The following KCNIP4 variants were observed in gnomAD, a reference collection of about 807,000 sequenced individuals.
KCNIP4 encodes Kv channel-interacting protein 4.
KCNIP4 carries 12 observed loss-of-function variants against 34.0 expected under a neutral mutation model. The ratio of observed to expected loss-of-function variants is 0.35; its 90% CI spans 0.23 to 0.57. KCNIP4 has a LOEUF of 0.57. Ranked by LOEUF, KCNIP4 falls within the 20% of genes least tolerant of loss-of-function variation. KCNIP4 has a pLI of 0.83. For synonymous variants in KCNIP4, 124 were observed against 102.2 expected (o/e 1.21, Z -1.29); for missense variants, 238 against 311.7 (o/e 0.76, Z 1.78).
At chr4:20,753,109 G>A (rs911605800) in intron 4 of KCNIP4, among the ~76,000 whole-genome samples, 11 of 152,060 alleles carry the variant, frequency 7.2e-5, no homozygotes, top group African/African-American at 2.7e-4. Context: ...TTATAGTTGA[G>A]CAACAAAATT....
At chr4:21,226,224 C>A (rs1473281113) in intron 1 of KCNIP4, among the ~76,000 whole-genome samples, 2 of 94,132 alleles carry the variant, frequency 2.1e-5, no homozygotes, top group African/African-American at 9.0e-5. Flanking sequence ...CCAGCCTGGG[C>A]AGCATAGGGG....
intron 1 of KCNIP4, among the ~76,000 whole-genome samples, chr4:21,504,475 A>AAAAAAAAAAGAAAG (rs1264431211): frequency 1.9e-4 from 19 of 101,876 alleles, no homozygotes; most frequent in African/African-American, 7.0e-4. Context: ...CAAAAAAAAA[A>AAAAAAAAAAGAAAG]AAAGAAAGAA....
intron 1 of KCNIP4, among the ~76,000 whole-genome samples, chr4:21,881,142 C>G (rs1002842000): frequency 1.1e-4 from 17 of 152,032 alleles, no homozygotes; most frequent in African/African-American, 3.9e-4. Flanking sequence ...AAAAGAAATT[C>G]TCTTATTTCA....
At chr4:21,274,203 C>A (rs1195454088) in intron 1 of KCNIP4, among the ~76,000 whole-genome samples, 2 of 152,136 alleles carry the variant, frequency 1.3e-5, no homozygotes, top group African/African-American at 4.8e-5. Flanking sequence ...CACTTGTAAA[C>A]CCTTCCACTT....
chr4:21,149,736 A>G (rs1752625909), intron 1 of KCNIP4, among the ~76,000 whole-genome samples: 1 of 152,192 alleles, frequency 6.6e-6, no homozygotes, highest in Non-Finnish European at 1.5e-5. Flanking sequence ...TAAGGAGAGT[A>G]TAATGAAGTA....
At chr4:20,753,469 G>A (rs547713119) in intron 4 of KCNIP4, among the ~76,000 whole-genome samples, 20 of 152,230 alleles carry the variant, frequency 1.3e-4, no homozygotes, top group Middle Eastern at 3.4e-3. Context: ...AGAACACAGT[G>A]AATATAGCAA....
intron 1 of KCNIP4, among the ~76,000 whole-genome samples, chr4:21,494,420 T>C (rs1457464575): frequency 6.6e-6 from 1 of 152,038 alleles, no homozygotes; most frequent in Non-Finnish European, 1.5e-5. Flanking sequence ...ATAACATTAA[T>C]AACAAAATTT....
chr4:21,251,479 G>A (rs957693405), intron 1 of KCNIP4, among the ~76,000 whole-genome samples: 2 of 152,022 alleles, frequency 1.3e-5, no homozygotes, highest in African/African-American at 2.4e-5. Flanking sequence ...TTAATCACTA[G>A]AGTGTTTGTT....
chr4:20,845,164 C>A (rs1314568300), intron 3 of KCNIP4, among the ~76,000 whole-genome samples: 1 of 152,128 alleles, frequency 6.6e-6, no homozygotes, highest in Non-Finnish European at 1.5e-5. Flanking sequence ...GCAGGCTGCA[C>A]CATGGTCAAG....
chr4:21,948,621 C>G lies in KCNIP4; in HGVS notation c.11G>C (p.Arg4Thr), dbSNP rs747545823. 3.1e-6 allele frequency: 5 copies of G among 1,613,414 alleles called. No individual in the cohort carries two copies. Among genetic ancestry groups the G allele is most frequent in the Admixed American group, 1.7e-5 (1 of 59,962 alleles). Reference sequence around the variant, plus strand: ...CTGAGCCGAAATGCTTTCCACCCTCCTCACATTCATGTCTAGGGACGCAGG... The same window carrying G: ...CTGAGCCGAAATGCTTTCCACCCTCGTCACATTCATGTCTAGGGACGCAGG... MNV[R>T]RVESISAQLE... is the part of the protein sequence containing the mutation. The change falls in exon 1 of 9, where the codon AGG becomes ACG. Residue 4 changes from arginine to threonine, a missense_variant. Transcript: ENST00000382152.
intron 1 of KCNIP4, among the ~76,000 whole-genome samples, chr4:21,908,759 CTTA>C (rs1296552152): frequency 6.6e-6 from 1 of 152,086 alleles, no homozygotes; most frequent in South Asian, 2.1e-4. Flanking sequence ...TCTACAGTGT[CTTA>C]TTATATTTTT....
rs567376393 is a variant in KCNIP4 at position 21,811,430 on chromosome 4, A to C, written c.61+137141T>G. On this transcript the variant is annotated intron_variant, in intron 1 of 8. Coordinates refer to ENST00000382152, the MANE Select transcript of KCNIP4 (RefSeq NM_025221.6). ...TCTAAAAGAAAGCTTGTAAGCTAACAAAATGAAATAGATAACAATGTAATG... is the reference window on the plus strand; with the variant it reads ...TCTAAAAGAAAGCTTGTAAGCTAACCAAATGAAATAGATAACAATGTAATG... 7.9e-5 allele frequency among the ~76,000 whole-genome samples: 12 copies of C among 152,348 alleles called. No individual in the cohort carries two copies. In the South Asian group the frequency reaches 2.3e-3, roughly 29 times the overall value.
intron 1 of KCNIP4, chr4:21,849,574 T>C (rs1447808717): frequency 6.6e-6 from 1 of 152,128 alleles, no homozygotes; most frequent in Non-Finnish European, 1.5e-5. Context: ...AAAATATTGA[T>C]CATCATGTTT....
At chr4:21,476,562 C>A (rs972318137) in intron 1 of KCNIP4, among the ~76,000 whole-genome samples, 3 of 152,166 alleles carry the variant, frequency 2.0e-5, no homozygotes, top group Non-Finnish European at 4.4e-5. Context: ...CTTGGACTTA[C>A]ACCGTCCAGA....
chr4:21,575,766 T>C (rs1258433816), intron 1 of KCNIP4, among the ~76,000 whole-genome samples: 1 of 152,222 alleles, frequency 6.6e-6, no homozygotes, highest in Non-Finnish European at 1.5e-5. Context: ...ATGGAATAGG[T>C]AGACAGATGC....
chr4:21,091,719 C>T (rs914739136), intron 1 of KCNIP4, among the ~76,000 whole-genome samples: 2 of 152,140 alleles, frequency 1.3e-5, no homozygotes, highest in Non-Finnish European at 2.9e-5. Flanking sequence ...TTTCATGTCA[C>T]AGACTGCTGA....
intron 1 of KCNIP4, among the ~76,000 whole-genome samples, chr4:20,892,400 T>A (rs1726011348): frequency 6.6e-6 from 1 of 152,168 alleles, no homozygotes; most frequent in Non-Finnish European, 1.5e-5. Context: ...TCTGTCTCTG[T>A]CTCACTCTTT....
intron 1 of KCNIP4, among the ~76,000 whole-genome samples, chr4:21,727,773 G>A (rs775504480): frequency 6.6e-6 from 1 of 152,078 alleles, no homozygotes; most frequent in Non-Finnish European, 1.5e-5. Flanking sequence ...AGGTTGCAGT[G>A]AGCTGAGACC....
intron 1 of KCNIP4, among the ~76,000 whole-genome samples, chr4:20,898,802 T>A (rs764786443): frequency 2.9e-4 from 44 of 152,184 alleles, no homozygotes; most frequent in Non-Finnish European, 4.9e-4. Context: ...CATCTATCTA[T>A]CTATGAAACT....
Sources: gnomAD v4.1 joint callset for allele counts (sites outside exome capture counted in the v4.1 genomes callset) on GRCh38, gnomAD v4.1.1 for gene constraint, MANE v1.5 for transcripts, NCBI Gene and HGNC (gene_info 2026-07-23, HGNC 2026-07-21) for gene names.